Variants in EML1 observed in about 807,000 individuals in gnomAD.
The protein encoded by EML1 is EMAP like 1.
In EML1, 27 loss-of-function variants were observed where a neutral mutation model predicts 110.4. That is an observed-to-expected ratio of 0.24 (90% CI 0.18 to 0.34). The LOEUF (loss-of-function observed/expected upper bound fraction) is 0.34. EML1 is among the 10% of genes least tolerant of loss of function. The probability of loss-of-function intolerance (pLI) is 1.00; values close to 1 mark genes in which losing one functional copy is unlikely to be tolerated. For missense variants in EML1, 741 were observed against 1,030.9 expected (o/e 0.72, Z 3.85); for synonymous variants, 344 against 385.8 (o/e 0.89, Z 1.27).
intron 2 of EML1, among the ~76,000 whole-genome samples, chr14:99,860,816 TCTCCTCTTC>T (rs910367454): frequency 5.9e-5 from 9 of 151,364 alleles, no homozygotes; most frequent in African/African-American, 2.2e-4. Context: ...TTCCCATCCC[TCTCCTCTTC>T]CTCCTCTTCC....
chr14:99,829,052 A>G (rs766317780), intron 1 of EML1, among the ~76,000 whole-genome samples: 5 of 152,206 alleles, frequency 3.3e-5, no homozygotes, highest in Non-Finnish European at 7.3e-5. Context: ...CACAGTGTAT[A>G]TAGGGTTCAG....
At position 99,914,069 on chromosome 14, in the gene EML1, G is replaced by A. The variant is rs1311895371; in HGVS notation, c.1495-110G>A. On this transcript the variant is annotated intron_variant, in intron 13 of 21. Coordinates refer to ENST00000262233, the MANE Select transcript of EML1 (RefSeq NM_004434.3). ...TTGAACGTACATTATATACATATGT[G>A]TATATAAAACTGTTATAGGGACTAT... 3.1e-6 allele frequency: 4 copies of A among 1,289,356 alleles called. No individual in the cohort carries two copies. The African/African-American group carries it at 4.5e-5, about 14-fold the overall frequency. The allele number at this position is 1,289,356 out of a possible 1,614,324, so 79.9% of individuals were successfully genotyped here. A position where few individuals can be genotyped will look rare whatever the true frequency, so the allele number is the denominator to read the frequency against.
chr14:99,811,166 G>GT lies in EML1; in HGVS notation c.67+17633dup, dbSNP rs111421409. 9.9e-4 allele frequency among the ~76,000 whole-genome samples: 145 copies of GT among 146,154 alleles called. No individual in the cohort carries two copies. The East Asian group carries it at 0.017, about 17-fold the overall frequency. On this transcript the variant is annotated intron_variant, in intron 1 of 21. Transcript: ENST00000262233. ...AGTTAAAAATTCATGTATAATAGGG[G>GT]TTTTTTTTTTGTTTTTTTGGGTTTT...
chr14:99,882,671 AAAAAG>A (rs1566915974), intron 4 of EML1, among the ~76,000 whole-genome samples: 3 of 128,052 alleles, frequency 2.3e-5, no homozygotes, highest in Admixed American at 8.0e-5. Flanking sequence ...AAAAAAAAAA[AAAAAG>A]AAAATTGCCA....
rs183719527 is a variant in EML1 at position 99,780,525 on chromosome 14, C to T, written c.-27+6512C>T. Among the ~76,000 whole-genome samples the T allele has an allele frequency of 5.3e-5, 8 of 152,192 alleles. No homozygotes were observed. The East Asian group carries it at 1.5e-3, about 29-fold the overall frequency. On this transcript the variant is annotated intron_variant, in intron 1 of 22. Transcript: ENST00000327921. The stretch of plus-strand genomic sequence containing the variant: ...TCCTCTCTGTCCTCAGGAGTTTTAG[C>T]AGAACATGGAGGCAAACTCAATACT...
rs566423723 is a variant in EML1 at position 99,859,933 on chromosome 14, C to G, written c.251-5581C>G. ...CCACTTCTAGGGTGTCTACTATGTG[C>G]CGGGCACTGTACTAGAAACTTCGCA... On this transcript the variant is annotated intron_variant, in intron 2 of 21. Coordinates refer to ENST00000262233, the MANE Select transcript of EML1 (RefSeq NM_004434.3). Among the ~76,000 whole-genome samples the G allele has an allele frequency of 5.3e-5, 8 of 152,324 alleles. No individual in the cohort carries two copies. The East Asian group carries it at 1.3e-3, about 26-fold the overall frequency.
upstream of EML1, among the ~76,000 whole-genome samples, chr14:99,769,226 C>T (rs982626025): frequency 5.3e-5 from 8 of 152,202 alleles, no homozygotes; most frequent in East Asian, 1.9e-4. Flanking sequence ...GCAGCGTGGC[C>T]ATCTCCTCGG....
At position 99,793,537 on chromosome 14, in the gene EML1, T is replaced by C. The variant is rs1311296449; in HGVS notation, c.61T>C (p.Cys21Arg). ...CGACACGTCCTCGCTGCTCCAGTTCTGCAACGGTGAGGGGCGGCCGCGCGG... is the reference window on the plus strand; with the variant it reads ...CGACACGTCCTCGCTGCTCCAGTTCCGCAACGGTGAGGGGCGGCCGCGCGG... ...LYDTSSLLQF[C>R]NDDSASAASS... Residue 21 changes from cysteine to arginine, a missense_variant, in exon 1 of 22, where the codon TGC becomes CGC. This residue lies in a region of EML1 where 226 missense variants were observed against 255.6 expected (regional missense o/e 0.88). Transcript: ENST00000262233. 3 of 1,032,748 alleles carry C rather than the reference T, an allele frequency of 2.9e-6. No individual in the cohort carries two copies. Among genetic ancestry groups the C allele is most frequent in the East Asian group, 8.7e-5 (1 of 11,556 alleles). 64.0% of individuals were successfully genotyped at this position (1,032,748 alleles called of 1,614,324 possible).
chr14:99,843,079 C>T (rs1328853034), intron 1 of EML1, among the ~76,000 whole-genome samples: 1 of 152,058 alleles, frequency 6.6e-6, no homozygotes, highest in Non-Finnish European at 1.5e-5. Flanking sequence ...CATAATGAGA[C>T]CCCATCTCTA....
intron 2 of EML1, 150 bp downstream of exon 2, chr14:99,851,185 C>T (rs1025099459): frequency 4.5e-5 from 39 of 871,796 alleles, no homozygotes; most frequent in Middle Eastern, 3.6e-4. Context: ...CATAATCACA[C>T]GACGTATGAT....
chr14:99,820,494 T>A (rs1255411529), intron 1 of EML1, among the ~76,000 whole-genome samples: 1 of 152,216 alleles, frequency 6.6e-6, no homozygotes, highest in East Asian at 1.9e-4. Flanking sequence ...CTTCTCACCC[T>A]GGTTTCTGCA....
intron 1 of EML1, among the ~76,000 whole-genome samples, chr14:99,802,322 A>G (rs1310997631): frequency 3.3e-5 from 5 of 152,064 alleles, no homozygotes. Context: ...GTGGGAATAC[A>G]GGGGAGAATT....
chr14:99,755,370 C>T (rs1179781869), intron 1 of EML1, among the ~76,000 whole-genome samples: 6 of 152,316 alleles, frequency 3.9e-5, no homozygotes, highest in Non-Finnish European at 7.4e-5. Flanking sequence ...TCTGTGTCAG[C>T]GTCACTTTGA....
intron 2 of EML1, among the ~76,000 whole-genome samples, chr14:99,860,701 G>A (rs1475671122): frequency 1.3e-5 from 2 of 152,142 alleles, no homozygotes; most frequent in Non-Finnish European, 2.9e-5. Context: ...AAAACCCAAG[G>A]ATGTTATCAA....
At chr14:99,783,129 C>T (rs947725478) in intron 1 of EML1, among the ~76,000 whole-genome samples, 6 of 144,628 alleles carry the variant, frequency 4.1e-5, no homozygotes, top group Non-Finnish European at 6.1e-5. Flanking sequence ...GCTCCTAATG[C>T]TATCCCTCCC....
At position 99,895,088 on chromosome 14, in the gene EML1, A is replaced by AT. The variant is rs542451381; in HGVS notation, c.677+337dup. On this transcript the variant is annotated intron_variant, in intron 6 of 21. Transcript: ENST00000262233. ...AAGATGTTATATGATTGTATGAGTG[A>AT]TTTTTTTCTTTGTCAGGAGAAAATG... Among the ~76,000 whole-genome samples the AT allele has an allele frequency of 2.3e-3, 341 of 151,392 alleles. 1 individual carries two copies. Among genetic ancestry groups the AT allele is most frequent in the Non-Finnish European group, 3.7e-3 (253 of 68,006 alleles).
At chr14:99,775,901 G>A (rs572160392) in intron 1 of EML1, among the ~76,000 whole-genome samples, 3 of 152,258 alleles carry the variant, frequency 2.0e-5, no homozygotes, top group African/African-American at 7.2e-5. Flanking sequence ...CCCATTATAA[G>A]AACATTAATA....
At position 99,739,104 on chromosome 14, in the gene EML1, C is replaced by CAG. The variant is rs1210048454; in HGVS notation, c.28+1259_28+1260dup. On this transcript the variant is annotated intron_variant, in intron 1 of 10. Transcript: ENST00000554479. ...TGTGTGTGTGTGTGAGAGAGAGAGACAGAGAGAGAGAGAGAGTGTGTGTGT... is the reference window on the plus strand; with the variant it reads ...TGTGTGTGTGTGTGAGAGAGAGAGACAGAGAGAGAGAGAGAGAGTGTGTGTGT... Among the ~76,000 whole-genome samples the CAG allele has an allele frequency of 4.8e-3, 253 of 52,900 alleles. 3 individuals are homozygous for CAG. The highest frequency in any genetic ancestry group is 0.01 in the African/African-American group (160 of 15,952). The allele number at this position is 52,900 out of a possible 152,430, so 34.7% of individuals were successfully genotyped here.
chr14:99,887,332 A>G (rs911655518), intron 4 of EML1, among the ~76,000 whole-genome samples: 2 of 152,186 alleles, frequency 1.3e-5, no homozygotes, highest in African/African-American at 4.8e-5. Flanking sequence ...ATTGGCCACA[A>G]CTTAACACCA....
Sources: allele counts gnomAD v4.1 joint callset (sites outside exome capture counted in the v4.1 genomes callset), GRCh38; gene constraint gnomAD v4.1.1; regional missense constraint gnomAD v4.1.1; transcripts MANE v1.5; gene names NCBI Gene and HGNC (gene_info 2026-07-23, HGNC 2026-07-21).